The following CELF4 variants were observed in gnomAD, a reference collection of about 807,000 sequenced individuals.
CELF4 encodes CUG-BP- and ETR-3-like factor 4.
Under a neutral mutation model 59.9 loss-of-function variants are expected in CELF4, and 18 were observed. The observed-to-expected ratio is 0.30, with a 90% confidence interval of 0.21 to 0.45. The LOEUF is 0.45. CELF4 is among the 20% of genes least tolerant of loss of function. CELF4 has a pLI of 1.00. For missense variants in CELF4, 456 were observed against 689.0 expected, an observed-to-expected ratio of 0.66 and a Z score of 3.79; for synonymous variants, 261 against 267.1, an observed-to-expected ratio of 0.98 and a Z score of 0.22.
At chr18:37,432,771 A>G (rs2099674217) in intron 2 of CELF4, among the ~76,000 whole-genome samples, 1 of 152,222 alleles carries the variant, frequency 6.6e-6, no homozygotes, top group Non-Finnish European at 1.5e-5. Context: ...AGACCTGGCC[A>G]GTGCCTCACA....
chr18:37,488,497 C>T (rs1302651801), intron 1 of CELF4, among the ~76,000 whole-genome samples: 1 of 152,140 alleles, frequency 6.6e-6, no homozygotes, highest in East Asian at 1.9e-4. Flanking sequence ...GAGAGCTGTT[C>T]AAGATCTGTG....
chr18:37,265,367 G>C (rs72900321), intron 9 of CELF4, among the ~76,000 whole-genome samples: 13,976 of 152,236 alleles, frequency 0.092, 875 homozygotes, highest in Middle Eastern at 0.15. Flanking sequence ...GCATAACACA[G>C]AATCATGGAT....
intron 1 of CELF4, among the ~76,000 whole-genome samples, chr18:37,511,255 G>GC (rs2099943985): frequency 6.6e-6 from 1 of 152,160 alleles, no homozygotes; most frequent in African/African-American, 2.4e-5. Context: ...TCCACAGGCA[G>GC]GCTCTTTGTT....
At chr18:37,322,680 C>G (rs975870317) in intron 2 of CELF4, among the ~76,000 whole-genome samples, 1 of 152,220 alleles carries the variant, frequency 6.6e-6, no homozygotes, top group African/African-American at 2.4e-5. Flanking sequence ...CGGGAGGCAC[C>G]AGGGTGGGCT....
Position 37,565,707 on chromosome 18 carries a change from T to TCGCA in CELF4, c.-67_-66insTGCG. 1 of 1,455,318 alleles carries TCGCA rather than the reference T, an allele frequency of 6.9e-7. No individual in the cohort carries two copies. Among genetic ancestry groups the TCGCA allele is most frequent in the Admixed American group, 2.2e-5 (1 of 46,510 alleles). The allele number at this position is 1,455,318 out of a possible 1,614,324, so 90.2% of individuals were successfully genotyped here. ...TCTCTCGCTCCTCTCTCTCGCTCGC[T>TCGCA]CGCGCTCACACACGCACACGCATAC... On this transcript the variant is annotated 5_prime_UTR_variant, in exon 1 of 13. Transcript: ENST00000420428.
intron 1 of CELF4, among the ~76,000 whole-genome samples, chr18:37,497,417 G>T (rs1228099851): frequency 6.6e-6 from 1 of 152,226 alleles, no homozygotes; most frequent in Non-Finnish European, 1.5e-5. Context: ...ACTTTGGGAG[G>T]CCAAGGCGGG....
At chr18:37,248,712 C>A (rs1320273505) in intron 12 of CELF4, among the ~76,000 whole-genome samples, 1 of 152,214 alleles carries the variant, frequency 6.6e-6, no homozygotes, top group African/African-American at 2.4e-5. Flanking sequence ...TCAGGTGATT[C>A]AACTTTCGGC....
At chr18:37,379,143 C>G (rs1211808218) in intron 2 of CELF4, among the ~76,000 whole-genome samples, 1 of 152,188 alleles carries the variant, frequency 6.6e-6, no homozygotes, top group East Asian at 1.9e-4. Context: ...CACCTGCCTC[C>G]CCCGGGGCCT....
intron 2 of CELF4, among the ~76,000 whole-genome samples, chr18:37,421,180 A>C (rs2154593804): frequency 6.6e-6 from 1 of 152,334 alleles, no homozygotes; most frequent in African/African-American, 2.4e-5. Flanking sequence ...GTCATGGGGC[A>C]GGGCTAACCC....
chr18:37,409,505 C>T (rs1191126583), intron 2 of CELF4, among the ~76,000 whole-genome samples: 1 of 152,190 alleles, frequency 6.6e-6, no homozygotes, highest in Non-Finnish European at 1.5e-5. Context: ...TCTGTCTGCT[C>T]ATCCCTTGTG....
intron 1 of CELF4, among the ~76,000 whole-genome samples, chr18:37,542,937 C>G (rs558342502): frequency 1.3e-5 from 2 of 152,088 alleles, no homozygotes; most frequent in Non-Finnish European, 2.9e-5. Context: ...GCTCTTTCTA[C>G]GACATCACTC....
chr18:37,345,001 C>G (rs2098199373), intron 2 of CELF4, among the ~76,000 whole-genome samples: 1 of 152,166 alleles, frequency 6.6e-6, no homozygotes, highest in Admixed American at 6.5e-5. Context: ...CCTGTTTGTC[C>G]AGAGATGACC....
intron 1 of CELF4, among the ~76,000 whole-genome samples, chr18:37,538,290 C>T (rs930241560): frequency 2.6e-5 from 4 of 152,358 alleles, no homozygotes; most frequent in Admixed American, 1.3e-4. Context: ...CGATTCTTCA[C>T]TGGCTGTGTA....
intron 2 of CELF4, among the ~76,000 whole-genome samples, chr18:37,363,470 ACT>A (rs1489962889): frequency 1.3e-5 from 2 of 152,094 alleles, no homozygotes; most frequent in Admixed American, 6.5e-5. Context: ...CAGAATTCTA[ACT>A]CTATTGATGC....
intron 2 of CELF4, among the ~76,000 whole-genome samples, chr18:37,407,452 T>C (rs551615306): frequency 6.6e-6 from 1 of 152,136 alleles, no homozygotes; most frequent in Non-Finnish European, 1.5e-5. Flanking sequence ...TCCAGTAGTG[T>C]GGCAGCTTAT....
At chr18:37,467,158 G>C (rs1189528999) in intron 2 of CELF4, among the ~76,000 whole-genome samples, 1 of 152,114 alleles carries the variant, frequency 6.6e-6, no homozygotes, top group Non-Finnish European at 1.5e-5. Flanking sequence ...AAGCTACTCT[G>C]GTTAAAACAT....
chr18:37,436,290 C>T (rs565726086), intron 2 of CELF4, among the ~76,000 whole-genome samples: 1 of 152,326 alleles, frequency 6.6e-6, no homozygotes, highest in African/African-American at 2.4e-5. Flanking sequence ...GAGATGCCCT[C>T]AAATGCTCCC....
At chr18:37,423,062 G>A (rs1394772098) in intron 2 of CELF4, among the ~76,000 whole-genome samples, 755 of 27,664 alleles carry the variant, frequency 0.027, 4 homozygotes, top group Non-Finnish European at 0.093. Context: ...ATGCGCGCGC[G>A]CGCACACACA....
chr18:37,274,234 T>C, intron 6 of CELF4, 77 bp downstream of exon 6: 1 of 1,583,538 alleles, frequency 6.3e-7, no homozygotes, highest in Non-Finnish European at 8.6e-7. Context: ...AGTAGTATTT[T>C]CGGTTTCATG....
Sources: allele counts gnomAD v4.1 joint callset (sites outside exome capture counted in the v4.1 genomes callset), GRCh38; gene constraint gnomAD v4.1.1; transcripts MANE v1.5; gene names NCBI Gene and HGNC (gene_info 2026-07-23, HGNC 2026-07-21).